The following WDFY4 variants were observed in gnomAD, a reference collection of about 807,000 sequenced individuals.
WDFY4 encodes WDFY family member 4, also known as WD repeat- and FYVE domain-containing protein 4.
In WDFY4, 169 loss-of-function variants were observed where a neutral mutation model predicts 351.9. The observed-to-expected ratio is 0.48, with a 90% CI of 0.42 to 0.55. The LOEUF (loss-of-function observed/expected upper bound fraction) is 0.55. Among genes scored for constraint, WDFY4 ranks in the 20% least tolerant of loss-of-function variants. The pLI, the probability that WDFY4 is intolerant of heterozygous loss-of-function variation, is 0.00. For missense variants in WDFY4, 3,803 were observed against 3,935.6 expected (o/e 0.97, Z 0.90); for synonymous variants, 1,622 against 1,574.6 (o/e 1.03, Z -0.71).
At chr10:48,856,319 A>G (rs969211466) in intron 39 of WDFY4, among the ~76,000 whole-genome samples, 104 of 152,294 alleles carry the variant, frequency 6.8e-4, no homozygotes, top group Admixed American at 6.1e-3. Context: ...ATATTGTTTC[A>G]GATTCCACAT....
In WDFY4 at chr10:48,755,510, T is replaced by C. The variant is rs559196517; in HGVS notation, c.2460-4837T>C. 2.6e-5 allele frequency among the ~76,000 whole-genome samples: 4 copies of C among 152,344 alleles called. No homozygotes were observed. In the South Asian group the frequency reaches 8.3e-4, roughly 32 times the overall value. ...AGTTTTACAGGTCTGTAATCTGTTTTGAGCTACTTTTTGTACCATGTGTGA... is the reference window on the plus strand; with the variant it reads ...AGTTTTACAGGTCTGTAATCTGTTTCGAGCTACTTTTTGTACCATGTGTGA... On this transcript the variant is annotated intron_variant, in intron 12 of 61. Coordinates refer to ENST00000325239, the MANE Select transcript of WDFY4 (RefSeq NM_001394531.1).
At chr10:48,849,456 A>AT (rs2068886133) in intron 39 of WDFY4, among the ~76,000 whole-genome samples, 2 of 152,148 alleles carry the variant, frequency 1.3e-5, no homozygotes, top group Non-Finnish European at 2.9e-5. Context: ...AGCAGACAAG[A>AT]CTTACCCCCA....
rs1256785713 is a variant in WDFY4, at chr10:48,897,560, C to T, written c.7423C>T (p.Arg2475Cys). 2.4e-5 allele frequency: 37 copies of T among 1,547,820 alleles called. No homozygotes were observed. Among genetic ancestry groups the T allele is most frequent in the Non-Finnish European group, 2.9e-5 (33 of 1,146,958 alleles). ...YADMRELRQA[R>C]FLLQDIALEI... Reference sequence around the variant, plus strand: ...TGACATGCGGGAGCTACGGCAGGCTCGCTTCCTCCTGCAGGTAAGCACACT... The same window carrying T: ...TGACATGCGGGAGCTACGGCAGGCTTGCTTCCTCCTGCAGGTAAGCACACT... Residue 2475 changes from arginine (R) to cysteine (C), a missense_variant, in exon 45 of 62, where the codon CGC (arginine) becomes TGC (cysteine). Physicochemically the swap from Arg to Cys is radical, Grantham distance 180 (BLOSUM62 -3). Transcript: ENST00000325239.
At chr10:48,812,190 G>GT (rs199764757) in intron 30 of WDFY4, among the ~76,000 whole-genome samples, 19,297 of 136,610 alleles carry the variant, frequency 0.14, 3,159 homozygotes, top group African/African-American at 0.39. Flanking sequence ...TTTTTTTTTT[G>GT]TTTTTTTTGT....
At chr10:48,718,838 G>A (rs996633614) in intron 2 of WDFY4, among the ~76,000 whole-genome samples, 4 of 152,198 alleles carry the variant, frequency 2.6e-5, no homozygotes, top group African/African-American at 9.7e-5. Context: ...GAAATAGGGA[G>A]GGAATTCTGA....
Position 48,901,874 on chromosome 10 carries a change from G to T in WDFY4, c.7586+11G>T, listed in dbSNP as rs1554805274. Reference sequence around the variant, plus strand: ...CACCCTCAGTCTAAGGTAATGGCGGGTAGCCATGCTGTCTGGGCATGGCAC... The same window carrying T: ...CACCCTCAGTCTAAGGTAATGGCGGTTAGCCATGCTGTCTGGGCATGGCAC... On this transcript the variant is annotated intron_variant, in intron 47 of 61. Coordinates refer to ENST00000325239, the MANE Select transcript of WDFY4 (RefSeq NM_001394531.1). 1 of 1,551,048 alleles carries T rather than the reference G, an allele frequency of 6.4e-7. No homozygotes were observed. Among genetic ancestry groups the T allele is most frequent in the Non-Finnish European group, 8.7e-7 (1 of 1,146,486 alleles).
At chr10:48,977,642 C>T (rs376495570) in intron 59 of WDFY4, among the ~76,000 whole-genome samples, 115 of 152,330 alleles carry the variant, frequency 7.5e-4, no homozygotes, top group African/African-American at 2.3e-3. Flanking sequence ...CTGGGGTGGC[C>T]GAGCTGCAGA....
At chr10:48,726,233 C>T (rs888845629) in intron 6 of WDFY4, among the ~76,000 whole-genome samples, 163 bp downstream of exon 6, 3 of 152,176 alleles carry the variant, frequency 2.0e-5, no homozygotes, top group Non-Finnish European at 2.9e-5. Context: ...CAGCCATGTC[C>T]GGTAGATAAT....
intron 29 of WDFY4, among the ~76,000 whole-genome samples, chr10:48,811,124 A>G (rs1190019976): frequency 6.6e-6 from 1 of 152,150 alleles, no homozygotes; most frequent in Non-Finnish European, 1.5e-5. Context: ...CCTCTGTTAT[A>G]TTATCTCTGC....
intron 27 of WDFY4, among the ~76,000 whole-genome samples, chr10:48,807,358 G>C (rs1294555623): frequency 6.6e-6 from 1 of 152,194 alleles, no homozygotes; most frequent in Non-Finnish European, 1.5e-5. Flanking sequence ...CAGAAGTAAA[G>C]TTTCTTCTTC....
chr10:48,920,951 T>A (rs779890739), intron 47 of WDFY4, among the ~76,000 whole-genome samples: 1 of 152,166 alleles, frequency 6.6e-6, no homozygotes, highest in Non-Finnish European at 1.5e-5. Context: ...AACCAAAATA[T>A]GCAGGATTTT....
At chr10:48,947,238 T>A (rs983293660) in intron 51 of WDFY4, among the ~76,000 whole-genome samples, 3 of 151,638 alleles carry the variant, frequency 2.0e-5, no homozygotes, top group African/African-American at 7.3e-5. Context: ...ATGAAAAAAA[T>A]GATTTAACAT....
intron 59 of WDFY4, 88 bp downstream of exon 59, chr10:48,977,067 C>T: frequency 7.8e-7 from 1 of 1,282,880 alleles, no homozygotes; most frequent in African/African-American, 1.5e-5. Flanking sequence ...GCCAAACCTG[C>T]AGGTTGCATT....
intron 1 of WDFY4, among the ~76,000 whole-genome samples, chr10:48,691,295 G>T (rs191374950): frequency 4.1e-4 from 62 of 152,252 alleles, no homozygotes; most frequent in Non-Finnish European, 7.4e-4. Context: ...TGGGTGTCCT[G>T]TGCAGAGCCT....
chr10:48,902,994 C>A (rs544296680), intron 47 of WDFY4, among the ~76,000 whole-genome samples: 79 of 152,174 alleles, frequency 5.2e-4, no homozygotes, highest in African/African-American at 1.7e-3. Context: ...CCTGTAATCC[C>A]AGCTACTTGG....
At chr10:48,776,013 A>T (rs572497337) in intron 15 of WDFY4, among the ~76,000 whole-genome samples, 149 of 152,344 alleles carry the variant, frequency 9.8e-4, no homozygotes, top group Non-Finnish European at 1.6e-3. Context: ...ATGAACCCCC[A>T]CCCAGACATA....
chr10:48,754,876 G>A (rs2065287693), intron 12 of WDFY4, among the ~76,000 whole-genome samples: 1 of 152,134 alleles, frequency 6.6e-6, no homozygotes, highest in Admixed American at 6.5e-5. Context: ...AGCAACATGG[G>A]CAGGGTGTTG....
At chr10:48,814,395 C>T (rs925399933) in intron 31 of WDFY4, among the ~76,000 whole-genome samples, 5 of 152,208 alleles carry the variant, frequency 3.3e-5, no homozygotes, top group African/African-American at 1.2e-4. Flanking sequence ...AGGGCCTCTC[C>T]TCTCAACGAG....
intron 1 of WDFY4, among the ~76,000 whole-genome samples, chr10:48,699,624 C>T (rs916595893): frequency 3.9e-5 from 6 of 152,176 alleles, no homozygotes; most frequent in African/African-American, 1.2e-4. Context: ...CTAATGTCCA[C>T]GTCTTGGAGT....
Sources: allele counts gnomAD v4.1 joint callset (sites outside exome capture counted in the v4.1 genomes callset), GRCh38; gene constraint gnomAD v4.1.1; transcripts MANE v1.5; gene names NCBI Gene and HGNC (gene_info 2026-07-23, HGNC 2026-07-21).